HDDC2: variants seen among roughly 807,000 people sequenced by gnomAD.
HDDC2 encodes the protein HD domain containing 2, also known as 5'-deoxynucleotidase HDDC2.
HDDC2 carries 25 observed loss-of-function variants against 25.5 expected under a neutral mutation model. The observed-to-expected ratio is 0.98, with a 90% CI of 0.72 to 1.37. The LOEUF (loss-of-function observed/expected upper bound fraction) is 1.37, where lower values mean the gene tolerates loss of function less well. HDDC2 is among the 40% of genes most tolerant of loss of function. The pLI, the probability that HDDC2 is intolerant of heterozygous loss-of-function variation, is 0.00. For synonymous variants in HDDC2, 106 were observed against 89.7 expected (o/e 1.18, Z -1.03); for missense variants, 264 against 253.1 (o/e 1.04, Z -0.29).
chr6:125,295,209 A>T (rs1798691588), intron 3 of HDDC2, among the ~76,000 whole-genome samples: 1 of 152,184 alleles, frequency 6.6e-6, no homozygotes, highest in Non-Finnish European at 1.5e-5. Flanking sequence ...TTGTTCAGTC[A>T]TAGATTTAGA....
intron 2 of HDDC2, among the ~76,000 whole-genome samples, chr6:125,299,574 G>A (rs1050961071): frequency 1.3e-5 from 2 of 152,196 alleles, no homozygotes; most frequent in African/African-American, 2.4e-5. Context: ...TACCAAGGCA[G>A]TACAAGGCCC....
At position 125,298,725 on chromosome 6, in the gene HDDC2, T is replaced by C; in HGVS notation, c.298A>G (p.Arg100Gly). Residue 100 changes from arginine to glycine, a missense_variant, in exon 3 of 6, where the codon AGG becomes GGG. Arg to Gly is a moderately radical substitution (Grantham distance 125). Coordinates refer to ENST00000398153, the MANE Select transcript of HDDC2 (RefSeq NM_016063.3). ...TAGTCAACACTGACCTCTTCTCGCC[T>C]ATGTTTTTCTTCTTTGGGGATGTTA... ...ADNIPKEEKH[R>G]REEEAMKQIT... is the part of the protein sequence containing the mutation. 6.2e-7 allele frequency: 1 copy of C among 1,613,654 alleles called. No homozygotes were observed. Among genetic ancestry groups the C allele is most frequent in the Non-Finnish European group, 8.5e-7 (1 of 1,179,534 alleles).
Position 125,277,303 on chromosome 6 carries a change from T to C in HDDC2, c.379-63A>G. ...TGCATAATAGGGTATCCTGGGAAAA[T>C]TCTGACTCTGGTACCCGAAATCAGA... On this transcript the variant is annotated intron_variant, in intron 4 of 5. Transcript: ENST00000398153. The C allele has an allele frequency of 4.6e-6, 7 of 1,533,796 alleles. No individual in the cohort carries two copies. In the Admixed American group the frequency reaches 1.1e-4, roughly 24 times the overall value.
chr6:125,289,521 A>AAAAAC (rs1798599001), intron 4 of HDDC2, among the ~76,000 whole-genome samples: 2 of 100,144 alleles, frequency 2.0e-5, no homozygotes, highest in African/African-American at 1.1e-4. Flanking sequence ...AAAACAAAAA[A>AAAAAC]AACAAAAAAA....
At chr6:125,283,787 C>T (rs145432082) in intron 4 of HDDC2, among the ~76,000 whole-genome samples, 2,926 of 152,262 alleles carry the variant, frequency 0.019, 90 homozygotes, top group African/African-American at 0.067. Flanking sequence ...CTACCACTGA[C>T]TTTCTCCACA....
intron 2 of HDDC2, 60 bp downstream of exon 2, chr6:125,300,478 A>C: frequency 2.6e-6 from 4 of 1,561,198 alleles, no homozygotes; most frequent in Non-Finnish European, 3.5e-6. Context: ...CAGTAGTAAA[A>C]ACGGGTGCAC....
At chr6:125,300,291 T>C (rs1798774954) in intron 2 of HDDC2, 1 of 456,392 alleles carries the variant, frequency 2.2e-6, no homozygotes, top group East Asian at 3.7e-5. Flanking sequence ...AAGGCCCCAA[T>C]ATCACACTTA....
intron 4 of HDDC2, among the ~76,000 whole-genome samples, chr6:125,280,870 G>A (rs1327167714): frequency 6.6e-6 from 1 of 152,216 alleles, no homozygotes; most frequent in Non-Finnish European, 1.5e-5. Context: ...GCTCTGCTAA[G>A]GGACAGACTC....
At chr6:125,299,192 T>G (rs564326147) in intron 2 of HDDC2, among the ~76,000 whole-genome samples, 1 of 152,290 alleles carries the variant, frequency 6.6e-6, no homozygotes, top group African/African-American at 2.4e-5. Context: ...GAGACCAGCC[T>G]AGCAACATGG....
At position 125,275,831 on chromosome 6, in the gene HDDC2, G is replaced by T; in HGVS notation, c.*315C>A. On this transcript the variant is annotated 3_prime_UTR_variant, in exon 6 of 6. Coordinates refer to ENST00000398153, the MANE Select transcript of HDDC2 (RefSeq NM_016063.3). ...ATGAACCTAGCCTTCGGGGATATCGGTAATTAAGTCAGAATAAGATGATTT... is the reference window on the plus strand; with the variant it reads ...ATGAACCTAGCCTTCGGGGATATCGTTAATTAAGTCAGAATAAGATGATTT... 1 of 270,596 alleles carries T rather than the reference G, an allele frequency of 3.7e-6. No individual in the cohort carries two copies. The highest frequency in any genetic ancestry group is 6.9e-6 in the Non-Finnish European group (1 of 145,340). The allele number at this position is 270,596 out of a possible 1,614,324, so 16.8% of individuals were successfully genotyped here.
intron 3 of HDDC2, among the ~76,000 whole-genome samples, chr6:125,296,866 G>A (rs538276714): frequency 2.2e-4 from 34 of 152,296 alleles, no homozygotes; most frequent in South Asian, 1.7e-3. Context: ...AGGGACAGTC[G>A]TAGGTCCTCC....
intron 1 of HDDC2, among the ~76,000 whole-genome samples, chr6:125,301,486 A>ACACACACGCG (rs1554222396): frequency 1.4e-5 from 2 of 147,376 alleles, no homozygotes; most frequent in African/African-American, 5.1e-5. Context: ...TCGTGAGCAC[A>ACACACACGCG]CACACACACA....
chr6:125,276,466 C>T, intron 5 of HDDC2: 1 of 538,134 alleles, frequency 1.9e-6, no homozygotes, highest in Non-Finnish European at 3.3e-6. Flanking sequence ...AAGGATGAGA[C>T]TCAGGCAAGG....
chr6:125,300,455 T>G (rs1484245605), intron 2 of HDDC2, 83 bp downstream of exon 2: 2 of 1,486,950 alleles, frequency 1.3e-6, no homozygotes, highest in African/African-American at 2.8e-5. Context: ...CTACAAGGAT[T>G]TGACATGGGT....
intron 4 of HDDC2, among the ~76,000 whole-genome samples, chr6:125,290,018 T>A (rs2115110827): frequency 6.6e-6 from 1 of 152,362 alleles, no homozygotes; most frequent in East Asian, 1.9e-4. Flanking sequence ...TAATCAAGGA[T>A]GTTTAATGGC....
At chr6:125,287,322 T>C (rs1798553621) in intron 4 of HDDC2, among the ~76,000 whole-genome samples, 1 of 152,074 alleles carries the variant, frequency 6.6e-6, no homozygotes, top group South Asian at 2.1e-4. Flanking sequence ...TAGTGGTAAC[T>C]TTTGTTGGGG....
At chr6:125,288,728 A>C in intron 4 of HDDC2, among the ~76,000 whole-genome samples, 1 of 145,264 alleles carries the variant, frequency 6.9e-6, no homozygotes, top group Non-Finnish European at 1.5e-5. Flanking sequence ...ACACATGAAG[A>C]AATGTTCATC....
chr6:125,291,981 G>GA (rs1315033564), intron 4 of HDDC2, among the ~76,000 whole-genome samples: 1 of 151,978 alleles, frequency 6.6e-6, no homozygotes, highest in Non-Finnish European at 1.5e-5. Context: ...AGTAAGACAT[G>GA]AAACTCTGCC....
chr6:125,299,664 C>T lies in HDDC2; in HGVS notation c.207-848G>A, dbSNP rs113434379. Among the ~76,000 whole-genome samples the T allele has an allele frequency of 1.8e-3, 270 of 152,332 alleles. 2 individuals are homozygous for T. Among genetic ancestry groups the T allele is most frequent in the African/African-American group, 6.0e-3 (250 of 41,564 alleles). ...TCCCAGACTACTCCAAACTGCATCT[C>T]TATTGGACTTCATTTTCACCTTGTA... On this transcript the variant is annotated intron_variant, in intron 2 of 5. Transcript: ENST00000398153.
Sources: allele counts gnomAD v4.1 joint callset (sites outside exome capture counted in the v4.1 genomes callset), GRCh38; gene constraint gnomAD v4.1.1; transcripts MANE v1.5; gene names NCBI Gene and HGNC (gene_info 2026-07-23, HGNC 2026-07-21).